NOXA1: variants seen among roughly 807,000 people sequenced by gnomAD.
NOXA1 encodes NCF2-like protein.
In NOXA1, 56 loss-of-function variants were observed where a neutral mutation model predicts 64.8. The observed-to-expected ratio is 0.86, with a 90% CI of 0.70 to 1.08. The LOEUF is 1.08. Ranked by LOEUF, NOXA1 falls within the 50% of genes least tolerant of loss-of-function variation. The pLI, the probability that NOXA1 is intolerant of heterozygous loss-of-function variation, is 0.00. For missense variants in NOXA1, 668 were observed against 658.5 expected (o/e 1.01, Z -0.16); for synonymous variants, 295 against 294.8 (o/e 1.00, Z -0.01).
chr9:137,428,172 GGCTGTGGGGT>G lies in NOXA1; in HGVS notation c.369+33_369+42del, dbSNP rs1177888759. ...GCCGGGCAGGGCTCACTGTGCTGCT[GGCTGTGGGGT>G]GTCCACGGGCGGTGGCACTGTCACA... On this transcript the variant is annotated intron_variant, in intron 3 of 13. Transcript: ENST00000683555. The G allele has an allele frequency of 7.4e-6, 11 of 1,492,278 alleles. No individual in the cohort carries two copies. The African/African-American group carries it at 1.4e-4, about 19-fold the overall frequency. The allele number at this position is 1,492,278 out of a possible 1,614,324, so 92.4% of individuals were successfully genotyped here.
chr9:137,431,351 C>T lies in NOXA1; in HGVS notation c.804+10C>T, dbSNP rs1309542665. ...TGCCTACCAGGAGCAGGTGCGTGGG[C>T]CTGGGCCTCTTCCCCTGCTGGGGGT... On this transcript the variant is annotated intron_variant, in intron 8 of 13. Transcript: ENST00000683555. The surrounding 1 kb of genome is among the most constrained non-coding windows in gnomAD (Gnocchi z 5.6). The T allele has an allele frequency of 1.9e-6, 3 of 1,601,852 alleles. No homozygotes were observed. Among genetic ancestry groups the T allele is most frequent in the Non-Finnish European group, 2.5e-6 (3 of 1,176,544 alleles).
chr9:137,433,657 A>T, intron 11 of NOXA1, 50 bp downstream of exon 11: 1 of 1,519,924 alleles, frequency 6.6e-7, no homozygotes, highest in Non-Finnish European at 8.9e-7. Context: ...CACCGCCCCG[A>T]CTGAGGCAGC....
intron 1 of NOXA1, among the ~76,000 whole-genome samples, chr9:137,425,205 T>G (rs904296537): frequency 6.6e-6 from 1 of 152,186 alleles, no homozygotes; most frequent in Non-Finnish European, 1.5e-5. Context: ...GCACCCTTCC[T>G]GTCACACACA....
rs2131890757 is a variant in NOXA1, at chr9:137,431,963, T to G, written c.804+622T>G. 6.6e-6 allele frequency among the ~76,000 whole-genome samples: 1 copy of G among 152,260 alleles called. No individual in the cohort carries two copies. The highest frequency in any genetic ancestry group is 2.1e-4 in the South Asian group (1 of 4,824). ...GCACTCTCTCTTTATGGATGCCCAC[T>G]TCCAGTTTAACCGTGGCATCCCGGG... On this transcript the variant is annotated intron_variant, in intron 8 of 13. Transcript: ENST00000683555. This position sits in a 1 kb window ranked among gnomAD's most constrained non-coding sequence, Gnocchi z 5.6.
rs1012411093 is a variant in NOXA1, at chr9:137,431,750, C to T, written c.804+409C>T. Among the ~76,000 whole-genome samples the T allele has an allele frequency of 6.6e-6, 1 of 152,114 alleles. No homozygotes were observed. The highest frequency in any genetic ancestry group is 2.4e-5 in the African/African-American group (1 of 41,398). ...CCCGCCCCCCATGGGGGCCCAGCAG[C>T]GACTCCATCCCCCGAGTCCTCCCGG... On this transcript the variant is annotated intron_variant, in intron 8 of 13. Transcript: ENST00000683555. The surrounding 1 kb of genome is among the most constrained non-coding windows in gnomAD (Gnocchi z 5.6).
Position 137,433,580 on chromosome 9 carries a change from C to T in NOXA1, c.1037C>T (p.Pro346Leu), listed in dbSNP as rs1839217633. 1.3e-6 allele frequency: 2 copies of T among 1,558,584 alleles called. No individual in the cohort carries two copies. The highest frequency in any genetic ancestry group is 2.4e-5 in the South Asian group (2 of 85,060). The change falls in exon 11 of 14, where the codon CCT becomes CTT. Residue 346 changes from proline (P) to leucine (L), a missense_variant. Pro to Leu is a moderately conservative substitution (Grantham distance 98). Coordinates refer to ENST00000683555, the MANE Select transcript of NOXA1 (RefSeq NM_001256067.2). ...SLRALLGQAL[P>L]HQAQLGQLSY... Reference sequence around the variant, plus strand: ...CGGGCACTGCTGGGCCAAGCCCTCCCTCACCAGGCCCAGCTTGGGCAACTC... The same window carrying T: ...CGGGCACTGCTGGGCCAAGCCCTCCTTCACCAGGCCCAGCTTGGGCAACTC...
rs776171022 is a variant in NOXA1, at chr9:137,432,929, C to T, written c.805-100C>T. On this transcript the variant is annotated intron_variant, in intron 8 of 13. Transcript: ENST00000683555. ...CACAGACCACCTGCTGGGTGCTGGCCGGGCACACAGGCCACACCCTTGGTG... is the reference window on the plus strand; with the variant it reads ...CACAGACCACCTGCTGGGTGCTGGCTGGGCACACAGGCCACACCCTTGGTG... 53 of 1,330,494 alleles carry T rather than the reference C, an allele frequency of 4.0e-5. No homozygotes were observed. The Middle Eastern group carries it at 7.9e-4, about 20-fold the overall frequency. 82.4% of individuals were successfully genotyped at this position (1,330,494 alleles called of 1,614,324 possible).
chr9:137,423,527 G>C lies in NOXA1; in HGVS notation c.-3G>C. ...CCCTCCTCGAGCGCCGCCACCGGCC[G>C]CCATGGCCTCTCTGGGGGACCTGGT... On this transcript the variant is annotated 5_prime_UTR_variant, in exon 1 of 14. Coordinates refer to ENST00000683555, the MANE Select transcript of NOXA1 (RefSeq NM_001256067.2). The C allele has an allele frequency of 7.2e-7, 1 of 1,385,734 alleles. No homozygotes were observed. Among genetic ancestry groups the C allele is most frequent in the Non-Finnish European group, 9.4e-7 (1 of 1,068,934 alleles). The allele number at this position is 1,385,734 out of a possible 1,614,324, so 85.8% of individuals were successfully genotyped here. A position where few individuals can be genotyped will look rare whatever the true frequency, so the allele number is the denominator to read the frequency against.
chr9:137,429,415 C>T (rs767068443), intron 5 of NOXA1, 32 bp downstream of exon 5: 7 of 1,454,182 alleles, frequency 4.8e-6, no homozygotes, highest in Admixed American at 2.0e-5. Context: ...TGGGGCATGG[C>T]GGCTGGTGCT....
In NOXA1 at chr9:137,429,396, A is replaced by T; in HGVS notation, c.612+13A>T. 1 of 1,542,656 alleles carries T rather than the reference A, an allele frequency of 6.5e-7. No homozygotes were observed. Among genetic ancestry groups the T allele is most frequent in the Non-Finnish European group, 8.8e-7 (1 of 1,136,288 alleles). Reference sequence around the variant, plus strand: ...GGGCAAGGCCAAGGTAAAGGTGGGGACGGCGTCCTGGGGCATGGCGGCTGG... The same window carrying T: ...GGGCAAGGCCAAGGTAAAGGTGGGGTCGGCGTCCTGGGGCATGGCGGCTGG... On this transcript the variant is annotated intron_variant, in intron 5 of 13. Transcript: ENST00000683555.
rs151149799 is a variant in NOXA1, at chr9:137,428,937, C to T, written c.425C>T (p.Ala142Val). 74 of 1,597,002 alleles carry T rather than the reference C, an allele frequency of 4.6e-5. No homozygotes were observed. The highest frequency in any genetic ancestry group is 4.1e-4 in the East Asian group (18 of 44,090). ...CAGCTGGGGCTCTGGACAGAGGCGG[C>T]CAGCAGCCTAAGGGAGGCCATGTCC... ...QCQLGLWTEA[A>V]SSLREAMSKW... The change falls in exon 4 of 14, where the codon GCC (alanine) becomes GTC (valine). Residue 142 changes from alanine to valine, a missense_variant. Transcript: ENST00000683555.
intron 2 of NOXA1, among the ~76,000 whole-genome samples, chr9:137,426,658 C>T (rs1027835222): frequency 2.6e-5 from 4 of 152,120 alleles, no homozygotes; most frequent in African/African-American, 9.7e-5. Context: ...AGGCCCCATC[C>T]CAGGAGGGCA....
chr9:137,434,380 C>A lies in NOXA1; in HGVS notation c.*20C>A, dbSNP rs1366252446. 3 of 1,549,896 alleles carry A rather than the reference C, an allele frequency of 1.9e-6. No homozygotes were observed. Among genetic ancestry groups the A allele is most frequent in the African/African-American group, 1.4e-5 (1 of 73,150 alleles). Reference sequence around the variant, plus strand: ...CCCTAATGATGCTGTGTCCATGATGCTTTTAATAAAAACAACCCCCACTGC... The same window carrying A: ...CCCTAATGATGCTGTGTCCATGATGATTTTAATAAAAACAACCCCCACTGC... On this transcript the variant is annotated 3_prime_UTR_variant, in exon 14 of 14. Coordinates refer to ENST00000683555, the MANE Select transcript of NOXA1 (RefSeq NM_001256067.2).
intron 3 of NOXA1, 85 bp downstream of exon 3, chr9:137,428,226 G>C: frequency 1.0e-6 from 1 of 985,950 alleles, no homozygotes; most frequent in Non-Finnish European, 1.5e-6. Context: ...CTGTGGACTG[G>C]GGAGCGCCTC....
chr9:137,433,065 C>G lies in NOXA1; in HGVS notation c.841C>G (p.Leu281Val). ...GGAGCAAGTTGGCAAACAGGCTCCT[C>G]TCTCCCCAGGTATGGGCGTCCTCAG... Reference protein sequence around the residue: ...QVEQVGKQAPLSPGLPAMGGP... With the variant: ...QVEQVGKQAPVSPGLPAMGGP... Residue 281 changes from leucine (L) to valine (V), a missense_variant, in exon 9 of 14, where the codon CTC (leucine) becomes GTC (valine). Transcript: ENST00000683555. The G allele has an allele frequency of 6.2e-7, 1 of 1,612,866 alleles. No individual in the cohort carries two copies. Among genetic ancestry groups the G allele is most frequent in the Non-Finnish European group, 8.5e-7 (1 of 1,179,918 alleles).
Position 137,423,524 on chromosome 9 carries a change from G to T in NOXA1, c.-6G>T. ...GGCCCCTCCTCGAGCGCCGCCACCG[G>T]CCGCCATGGCCTCTCTGGGGGACCT... is the stretch of plus-strand genomic sequence containing the variant. On this transcript the variant is annotated 5_prime_UTR_variant, in exon 1 of 14. Coordinates refer to ENST00000683555, the MANE Select transcript of NOXA1 (RefSeq NM_001256067.2). The T allele has an allele frequency of 7.3e-7, 1 of 1,362,634 alleles. No homozygotes were observed. The allele number at this position is 1,362,634 out of a possible 1,614,324, so 84.4% of individuals were successfully genotyped here.
At chr9:137,429,708 C>G (rs1190456788) in intron 5 of NOXA1, among the ~76,000 whole-genome samples, 1 of 152,164 alleles carries the variant, frequency 6.6e-6, no homozygotes, top group Non-Finnish European at 1.5e-5. Flanking sequence ...GTCCCTGCGT[C>G]TCTCTGCGTC....
At chr9:137,426,779 G>A (rs1402922151) in intron 2 of NOXA1, among the ~76,000 whole-genome samples, 1 of 152,188 alleles carries the variant, frequency 6.6e-6, no homozygotes, top group Non-Finnish European at 1.5e-5. Context: ...ATAAAATTCT[G>A]TAAAAGATAT....
At chr9:137,429,254 G>C in intron 4 of NOXA1, 22 bp from the exon 5 acceptor site, 1 of 1,512,152 alleles carries the variant, frequency 6.6e-7, no homozygotes, top group Non-Finnish European at 8.9e-7. Context: ...GTCTGCATCT[G>C]CTGGATACCC....
Sources: allele counts gnomAD v4.1 joint callset (sites outside exome capture counted in the v4.1 genomes callset), GRCh38; gene constraint gnomAD v4.1.1; non-coding constraint Gnocchi (gnomAD v3.1); transcripts MANE v1.5; gene names NCBI Gene and HGNC (gene_info 2026-07-23, HGNC 2026-07-21).